IQGAP1: variants seen among roughly 807,000 people sequenced by gnomAD.
IQGAP1 encodes IQ motif containing GTPase activating protein 1.
IQGAP1 carries 66 observed loss-of-function variants against 215.6 expected under a neutral mutation model. The observed-to-expected ratio is 0.31, with a 90% CI of 0.25 to 0.38. The LOEUF is 0.38. Ranked by LOEUF, IQGAP1 falls within the 10% of genes least tolerant of loss-of-function variation. The pLI is 1.00. For missense variants in IQGAP1, 1,712 were observed against 1,997.1 expected (o/e 0.86, Z 2.72); for synonymous variants, 772 against 728.7 (o/e 1.06, Z -0.96).
chr15:90,472,950 G>A lies in IQGAP1; in HGVS notation c.2289G>A (p.Gln763=), dbSNP rs770710298. The change falls in exon 19 of 38, where the codon CAG becomes CAA. Residue 763 remains glutamine, a synonymous_variant. Coordinates refer to ENST00000268182, the MANE Select transcript of IQGAP1 (RefSeq NM_003870.4). The part of the protein sequence containing the change: ...QARCRGYLVR[Q]EFRSRMNFLK... ...GCTGCCGTGGATACTTAGTTCGACA[G>A]GAATTCCGATCCAGGATGAATTTCC... is the stretch of plus-strand genomic sequence containing the variant. 6.2e-7 allele frequency: 1 copy of A among 1,614,026 alleles called. No homozygotes were observed. Among genetic ancestry groups the A allele is most frequent in the East Asian group, 2.2e-5 (1 of 44,874 alleles).
intron 2 of IQGAP1, among the ~76,000 whole-genome samples, chr15:90,410,843 TAAA>T (rs58903853): frequency 0.23 from 28,592 of 126,626 alleles, 3,402 homozygotes; most frequent in East Asian, 0.46. Context: ...TAAAGTATAA[TAAA>T]AAAAAAAAAA....
intron 4 of IQGAP1, among the ~76,000 whole-genome samples, chr15:90,430,621 C>T (rs1567123833): frequency 6.6e-6 from 1 of 152,006 alleles, no homozygotes; most frequent in Non-Finnish European, 1.5e-5. Flanking sequence ...AAGATCAGAT[C>T]ACTATTTTTG....
intron 2 of IQGAP1, among the ~76,000 whole-genome samples, chr15:90,395,487 A>C (rs1964703158): frequency 6.6e-6 from 1 of 151,810 alleles, no homozygotes; most frequent in Non-Finnish European, 1.5e-5. Context: ...CGCCTGGCTA[A>C]TTTTTTGTAT....
chr15:90,493,617 A>G (rs931333650), intron 35 of IQGAP1, among the ~76,000 whole-genome samples: 1 of 152,238 alleles, frequency 6.6e-6, no homozygotes, highest in Non-Finnish European at 1.5e-5. Flanking sequence ...CCCTTCACCT[A>G]GATTCACCCA....
chr15:90,445,367 T>C (rs955075649), intron 9 of IQGAP1, among the ~76,000 whole-genome samples: 1 of 152,108 alleles, frequency 6.6e-6, no homozygotes. Flanking sequence ...TCATGCCTCA[T>C]CTCTTCCTAA....
At chr15:90,470,636 G>T (rs74039030) in intron 18 of IQGAP1, among the ~76,000 whole-genome samples, 15 of 152,134 alleles carry the variant, frequency 9.9e-5, no homozygotes, top group African/African-American at 3.1e-4. Context: ...CTTGCTAAGG[G>T]CCTTGAAAGT....
Position 90,390,805 on chromosome 15 carries a change from G to A in IQGAP1, c.87G>A (p.Glu29=), listed in dbSNP as rs1964625079. ...SVLDNERLTA[E]EMDERRRQNV... ...TGGATAATGAAAGACTTACTGCAGAGGAGATGGATGAAAGGAGACGTCAGA... is the reference window on the plus strand; with the variant it reads ...TGGATAATGAAAGACTTACTGCAGAAGAGATGGATGAAAGGAGACGTCAGA... Residue 29 remains glutamate, a synonymous_variant, in exon 2 of 38, where the codon GAG becomes GAA. Coordinates refer to ENST00000268182, the MANE Select transcript of IQGAP1 (RefSeq NM_003870.4). The A allele has an allele frequency of 6.2e-7, 1 of 1,612,800 alleles. No individual in the cohort carries two copies. Among genetic ancestry groups the A allele is most frequent in the Non-Finnish European group, 8.5e-7 (1 of 1,178,820 alleles).
chr15:90,453,072 T>A, intron 12 of IQGAP1, 60 bp from the exon 13 acceptor site: 1 of 1,561,136 alleles, frequency 6.4e-7, no homozygotes. Context: ...AACTTATAAC[T>A]CCCTGGGTCT....
At chr15:90,479,826 A>C (rs1378048137) in intron 26 of IQGAP1, among the ~76,000 whole-genome samples, 1 of 152,098 alleles carries the variant, frequency 6.6e-6, no homozygotes, top group Admixed American at 6.5e-5. Context: ...AGATCATTGC[A>C]AAAGTCTTTT....
At position 90,497,264 on chromosome 15, in the gene IQGAP1, C is replaced by T; in HGVS notation, c.4784C>T (p.Thr1595Ile). ...AATGTTATATTTGAAATCAGTCCAA[C>T]AGAAGAAGTTGGAGACTTCGAAGTG... is the stretch of plus-strand genomic sequence containing the variant. The part of the protein sequence containing the change: ...FKNVIFEISP[T>I]EEVGDFEVKA... Residue 1595 changes from threonine (T) to isoleucine (I), a missense_variant, in exon 37 of 38, where the codon ACA (threonine) becomes ATA (isoleucine). Thr to Ile is a moderately conservative substitution (Grantham distance 89). This residue lies in a region of IQGAP1 where 691 missense variants were observed against 923.0 expected (regional missense o/e 0.75). Coordinates refer to ENST00000268182, the MANE Select transcript of IQGAP1 (RefSeq NM_003870.4). 6.2e-7 allele frequency: 1 copy of T among 1,606,102 alleles called. No individual in the cohort carries two copies. Among genetic ancestry groups the T allele is most frequent in the Non-Finnish European group, 8.5e-7 (1 of 1,172,918 alleles).
intron 8 of IQGAP1, among the ~76,000 whole-genome samples, chr15:90,441,952 A>G (rs1370990677): frequency 1.3e-5 from 2 of 152,180 alleles, no homozygotes; most frequent in Non-Finnish European, 2.9e-5. Context: ...TATTGCTGCC[A>G]TTGACCTTTT....
chr15:90,499,449 T>C (rs1966314213), intron 37 of IQGAP1, among the ~76,000 whole-genome samples: 1 of 152,252 alleles, frequency 6.6e-6, no homozygotes, highest in South Asian at 2.1e-4. Flanking sequence ...TCAAGTTCTC[T>C]CTTTTCCCCT....
intron 32 of IQGAP1, 29 bp downstream of exon 32, chr15:90,487,118 T>G (rs995507990): frequency 1.2e-6 from 2 of 1,612,882 alleles, no homozygotes; most frequent in African/African-American, 1.3e-5. Context: ...AAGAATGAAA[T>G]GAATGTAATC....
At chr15:90,432,638 T>C (rs889251139) in intron 4 of IQGAP1, among the ~76,000 whole-genome samples, 11 of 152,342 alleles carry the variant, frequency 7.2e-5, no homozygotes, top group African/African-American at 2.6e-4. Flanking sequence ...ATTGCCTTAC[T>C]GTCTCACAAA....
At chr15:90,485,293 C>T (rs984212115) in intron 30 of IQGAP1, among the ~76,000 whole-genome samples, 1 of 152,162 alleles carries the variant, frequency 6.6e-6, no homozygotes, top group Admixed American at 6.5e-5. Flanking sequence ...ATTTGGTATA[C>T]TTTTCTCTGA....
chr15:90,391,203 G>A (rs768108180), intron 2 of IQGAP1: 5 of 181,978 alleles, frequency 2.7e-5, no homozygotes, highest in African/African-American at 4.7e-5. Context: ...TCACCACTGT[G>A]CTCTAGCCTG....
intron 1 of IQGAP1, among the ~76,000 whole-genome samples, chr15:90,388,864 G>A (rs1285724095): frequency 2.6e-5 from 4 of 152,178 alleles, no homozygotes; most frequent in Non-Finnish European, 5.9e-5. Flanking sequence ...GGCTAGCTAC[G>A]AGGTGCCGTC....
intron 4 of IQGAP1, among the ~76,000 whole-genome samples, chr15:90,430,969 G>T (rs1452609413): frequency 6.8e-6 from 1 of 146,338 alleles, no homozygotes; most frequent in East Asian, 2.0e-4. Flanking sequence ...AGAATATATT[G>T]TAATATAATT....
At position 90,476,502 on chromosome 15, in the gene IQGAP1, C is replaced by T. The variant is rs996079878; in HGVS notation, c.2785-161C>T. Among the ~76,000 whole-genome samples the T allele has an allele frequency of 2.6e-4, 39 of 152,156 alleles. 2 individuals carry two copies. ...CATAGGAATGGATTTGACTGGTGTA[C>T]TGAAAACAGGATAAAGTGTAGTGGT... On this transcript the variant is annotated intron_variant, in intron 23 of 37. Transcript: ENST00000268182.
Sources: allele counts gnomAD v4.1 joint callset (sites outside exome capture counted in the v4.1 genomes callset), GRCh38; gene constraint gnomAD v4.1.1; regional missense constraint gnomAD v4.1.1; transcripts MANE v1.5; gene names NCBI Gene and HGNC (gene_info 2026-07-23, HGNC 2026-07-21).